The following GRIK1 variants were observed in gnomAD, a reference collection of about 807,000 sequenced individuals.
GRIK1 encodes the protein glutamate ionotropic receptor kainate type subunit 1.
A neutral mutation model predicts 105.7 loss-of-function variants in GRIK1; 69 were observed. That is an observed-to-expected ratio of 0.65 (90% CI 0.54 to 0.80). GRIK1 has a LOEUF of 0.80. Ranked by LOEUF, GRIK1 falls within the 30% of genes least tolerant of loss-of-function variation. The pLI, the probability that GRIK1 is intolerant of heterozygous loss-of-function variation, is 0.00. For missense variants in GRIK1, 1,109 were observed against 1,167.3 expected (o/e 0.95, Z 0.73); for synonymous variants, 438 against 431.3 (o/e 1.02, Z -0.19).
chr21:29,865,786 G>C lies in GRIK1; in HGVS notation c.118+73597C>G, dbSNP rs147309535. Among the ~76,000 whole-genome samples, 4 of 152,174 alleles carry C rather than the reference G, an allele frequency of 2.6e-5. No homozygotes were observed. In the East Asian group the frequency reaches 7.7e-4, roughly 29 times the overall value. Reference sequence around the variant, plus strand: ...AAATATTTTTCAAAATAAAATATGCGTATATTCTTTGACCAAGTCATTCCA... The same window carrying C: ...AAATATTTTTCAAAATAAAATATGCCTATATTCTTTGACCAAGTCATTCCA... On this transcript the variant is annotated intron_variant, in intron 1 of 17. Transcript: ENST00000327783.
At chr21:29,709,278 C>CTTTTTTTT (rs35378548) in intron 1 of GRIK1, among the ~76,000 whole-genome samples, 6 of 127,896 alleles carry the variant, frequency 4.7e-5, no homozygotes, top group Non-Finnish European at 6.7e-5. Context: ...TACTCTTCTT[C>CTTTTTTTT]TTTTTTTTTT....
chr21:29,618,901 G>A (rs552262726), intron 7 of GRIK1, among the ~76,000 whole-genome samples: 1 of 152,238 alleles, frequency 6.6e-6, no homozygotes, highest in East Asian at 1.9e-4. Flanking sequence ...GCCGAGGTGG[G>A]CAGATCACGA....
At position 29,762,015 on chromosome 21, in the gene GRIK1, G is replaced by A. The variant is rs140108397; in HGVS notation, c.119-67952C>T. ...CACCTGCCTTGGCCTCCCAAGTGCTGGGATTACAGGCATGAGCCACTGCAC... is the reference window on the plus strand; with the variant it reads ...CACCTGCCTTGGCCTCCCAAGTGCTAGGATTACAGGCATGAGCCACTGCAC... On this transcript the variant is annotated intron_variant, in intron 1 of 17. Coordinates refer to ENST00000327783, the MANE Select transcript of GRIK1 (RefSeq NM_001330994.2). 7.3e-3 allele frequency among the ~76,000 whole-genome samples: 1,105 copies of A among 152,350 alleles called. 42 individuals are homozygous for A. The highest frequency in any genetic ancestry group is 0.064 in the Admixed American group (984 of 15,308).
At chr21:29,833,584 G>A (rs189477381) in intron 1 of GRIK1, among the ~76,000 whole-genome samples, 2 of 152,270 alleles carry the variant, frequency 1.3e-5, no homozygotes, top group East Asian at 1.9e-4. Flanking sequence ...GAAAAGAGAT[G>A]GAGGGTAGGT....
At chr21:29,614,702 C>T (rs55788905) in intron 7 of GRIK1, among the ~76,000 whole-genome samples, 10,133 of 151,282 alleles carry the variant, frequency 0.067, 715 homozygotes, top group African/African-American at 0.12. Context: ...CATGAGCCAC[C>T]GCGCCCAGCC....
intron 16 of GRIK1, among the ~76,000 whole-genome samples, chr21:29,543,768 T>C (rs1225179477): frequency 2.0e-5 from 3 of 152,164 alleles, no homozygotes; most frequent in Admixed American, 1.3e-4. Context: ...AAATAAAATG[T>C]ACAAGTGTGG....
chr21:29,653,997 T>C (rs1357056032), intron 5 of GRIK1, among the ~76,000 whole-genome samples: 1 of 152,224 alleles, frequency 6.6e-6, no homozygotes, highest in African/African-American at 2.4e-5. Flanking sequence ...CACTAGCTTG[T>C]CAGCTGAATT....
At chr21:29,653,415 A>C (rs895813852) in intron 5 of GRIK1, among the ~76,000 whole-genome samples, 3 of 152,242 alleles carry the variant, frequency 2.0e-5, no homozygotes, top group Non-Finnish European at 4.4e-5. Context: ...CCCCTTGTGC[A>C]TGCAGAATGA....
intron 14 of GRIK1, among the ~76,000 whole-genome samples, chr21:29,566,117 T>C (rs1453194308): frequency 2.0e-5 from 3 of 152,236 alleles, no homozygotes; most frequent in African/African-American, 7.2e-5. Context: ...TTATACTTCA[T>C]GAAAAATTAT....
At chr21:29,771,352 TAATG>T (rs527356139) in intron 1 of GRIK1, among the ~76,000 whole-genome samples, 73 of 152,312 alleles carry the variant, frequency 4.8e-4, no homozygotes, top group Non-Finnish European at 8.4e-4. Context: ...CCCCGATGTC[TAATG>T]GAGTAAGAGA....
chr21:29,621,841 G>A (rs2062010839), intron 7 of GRIK1, among the ~76,000 whole-genome samples: 1 of 152,210 alleles, frequency 6.6e-6, no homozygotes, highest in Admixed American at 6.5e-5. Context: ...CAGGATCATA[G>A]CACTACTGGA....
At chr21:29,613,396 TTTAG>T (rs796450289) in intron 7 of GRIK1, among the ~76,000 whole-genome samples, 3 of 152,304 alleles carry the variant, frequency 2.0e-5, no homozygotes, top group African/African-American at 7.2e-5. Context: ...AAATAAGTAC[TTTAG>T]TTAGCTTTAA....
chr21:29,539,223 A>T (rs1451156917), intron 16 of GRIK1, among the ~76,000 whole-genome samples: 1 of 152,208 alleles, frequency 6.6e-6, no homozygotes, highest in African/African-American at 2.4e-5. Context: ...CTTCTCACTT[A>T]CTATGGGGTT....
intron 1 of GRIK1, among the ~76,000 whole-genome samples, chr21:29,714,691 A>T (rs1238907762): frequency 1.3e-5 from 2 of 152,226 alleles, no homozygotes; most frequent in African/African-American, 4.8e-5. Flanking sequence ...AGGCAATGTC[A>T]TTGCAAGGGC....
intron 6 of GRIK1, among the ~76,000 whole-genome samples, chr21:29,646,232 G>A (rs1349217240): frequency 2.0e-5 from 3 of 152,182 alleles, no homozygotes; most frequent in African/African-American, 7.2e-5. Context: ...CTGTATGGGA[G>A]CTCCATGCCT....
rs200516350 is a variant in GRIK1, at chr21:29,581,417, C to G, written c.1912+8G>C. 5 of 1,524,122 alleles carry G rather than the reference C, an allele frequency of 3.3e-6. No individual in the cohort carries two copies. The highest frequency in any genetic ancestry group is 1.1e-5 in the South Asian group (1 of 89,196). The allele number at this position is 1,524,122 out of a possible 1,614,324, so 94.4% of individuals were successfully genotyped here. A position where few individuals can be genotyped will look rare whatever the true frequency, so the allele number is the denominator to read the frequency against. On this transcript the variant is annotated splice_region_variant and intron_variant, in intron 13 of 17. Coordinates refer to ENST00000327783, the MANE Select transcript of GRIK1 (RefSeq NM_001330994.2). ...GATGCGTGTGACAAAGATAGGCAAC[C>G]GGTGTACCTTGCTGCATGAGAGCTC...
chr21:29,676,766 A>C (rs888016660), intron 3 of GRIK1, among the ~76,000 whole-genome samples: 1 of 152,192 alleles, frequency 6.6e-6, no homozygotes, highest in Non-Finnish European at 1.5e-5. Flanking sequence ...TTCAACAATA[A>C]AACTGACCTG....
chr21:29,740,750 T>TCA (rs1569035723), intron 1 of GRIK1, among the ~76,000 whole-genome samples: 2 of 152,314 alleles, frequency 1.3e-5, no homozygotes, highest in Middle Eastern at 3.4e-3. Context: ...TTGAAAGTGC[T>TCA]CAACCTGCTA....
chr21:29,771,455 A>G (rs1360502705), intron 1 of GRIK1, among the ~76,000 whole-genome samples: 3 of 152,230 alleles, frequency 2.0e-5, no homozygotes, highest in Non-Finnish European at 4.4e-5. Context: ...TTGTTTCAAG[A>G]TCAGTAGAGT....
Sources: gnomAD v4.1 joint callset for allele counts (sites outside exome capture counted in the v4.1 genomes callset) on GRCh38, gnomAD v4.1.1 for gene constraint, MANE v1.5 for transcripts, NCBI Gene and HGNC (gene_info 2026-07-23, HGNC 2026-07-21) for gene names.